UGT1A3: variants seen among roughly 807,000 people sequenced by gnomAD.
The protein encoded by UGT1A3 is UDP glucuronosyltransferase family 1 member A3.
A neutral mutation model predicts 41.0 loss-of-function variants in UGT1A3; 31 were observed. The ratio of observed to expected loss-of-function variants is 0.76; its 90% CI spans 0.57 to 1.02. The LOEUF (loss-of-function observed/expected upper bound fraction) is 1.02, where lower values mean the gene tolerates loss of function less well. UGT1A3 is among the 50% of genes least tolerant of loss of function. The probability of loss-of-function intolerance (pLI) is 0.00; values close to 1 mark genes in which losing one functional copy is unlikely to be tolerated. For missense variants in UGT1A3, 737 were observed against 671.0 expected, an observed-to-expected ratio of 1.10 and a Z score of -1.09; for synonymous variants, 262 against 257.6, an observed-to-expected ratio of 1.02 and a Z score of -0.17.
Position 233,748,513 on chromosome 2 carries a change from T to C in UGT1A3, c.867+18520T>C, listed in dbSNP as rs527780891. Among the ~76,000 whole-genome samples the C allele has an allele frequency of 5.3e-5, 8 of 151,912 alleles. No homozygotes were observed. The South Asian group carries it at 1.7e-3, about 31-fold the overall frequency. The stretch of plus-strand genomic sequence containing the variant: ...TGTGATAATTTTTAGTGGTCCTGTC[T>C]TGCGAATGATAGAGAGGTGACCACA... On this transcript the variant is annotated intron_variant, in intron 1 of 4. Transcript: ENST00000482026.
intron 1 of UGT1A3, among the ~76,000 whole-genome samples, chr2:233,740,328 TGAGA>T (rs1691367095): frequency 6.6e-6 from 1 of 151,900 alleles, no homozygotes; most frequent in Non-Finnish European, 1.5e-5. Flanking sequence ...CTGCATTTAT[TGAGA>T]AAGTTGATGA....
At chr2:233,764,672 GA>G (rs1265405107) in intron 1 of UGT1A3, among the ~76,000 whole-genome samples, 2 of 152,116 alleles carry the variant, frequency 1.3e-5, no homozygotes, top group Non-Finnish European at 2.9e-5. Context: ...ACGCTCAGAA[GA>G]AAGAACTTGA....
At chr2:233,757,935 C>T (rs12052787) in intron 1 of UGT1A3, among the ~76,000 whole-genome samples, 10,310 of 152,142 alleles carry the variant, frequency 0.068, 485 homozygotes, top group East Asian at 0.2. Flanking sequence ...CAAAGCAAGA[C>T]CATCATATTG....
At chr2:233,742,365 T>C (rs879560468) in intron 1 of UGT1A3, among the ~76,000 whole-genome samples, 1 of 151,994 alleles carries the variant, frequency 6.6e-6, no homozygotes, top group African/African-American at 2.4e-5. Flanking sequence ...AGCAGAAACA[T>C]GTCCTTAAGG....
intron 1 of UGT1A3, among the ~76,000 whole-genome samples, chr2:233,764,833 G>C (rs1171416505): frequency 3.9e-5 from 6 of 151,966 alleles, no homozygotes; most frequent in African/African-American, 1.2e-4. Flanking sequence ...TGGTGGTGGG[G>C]AGGATGACTC....
At chr2:233,748,049 C>CAA (rs1416676194) in intron 1 of UGT1A3, 1 of 1,613,268 alleles carries the variant, frequency 6.2e-7, no homozygotes, top group African/African-American at 1.3e-5. Flanking sequence ...TTGGGGGCAT[C>CAA]AACTGTGCCA....
At chr2:233,754,740 A>G (rs1278383852) in intron 1 of UGT1A3, 2 of 687,602 alleles carry the variant, frequency 2.9e-6, no homozygotes, top group Admixed American at 2.3e-5. Flanking sequence ...ACCGTAGGAC[A>G]TGCAGAAGGA....
chr2:233,750,218 A>C (rs1694391813), intron 1 of UGT1A3, among the ~76,000 whole-genome samples: 1 of 151,876 alleles, frequency 6.6e-6, no homozygotes, highest in South Asian at 2.1e-4. Context: ...TCTCAGATGG[A>C]GATGAGGAAC....
At chr2:233,737,335 G>C (rs558771820) in intron 1 of UGT1A3, among the ~76,000 whole-genome samples, 1 of 152,354 alleles carries the variant, frequency 6.6e-6, no homozygotes, top group African/African-American at 2.4e-5. Context: ...CAGTGAGCAA[G>C]GCTCCGTGGG....
intron 1 of UGT1A3, among the ~76,000 whole-genome samples, chr2:233,738,716 A>T (rs1342041986): frequency 6.6e-6 from 1 of 152,244 alleles, no homozygotes; most frequent in Non-Finnish European, 1.5e-5. Flanking sequence ...AGAGCATAAA[A>T]GTTTGGAAAA....
intron 1 of UGT1A3, among the ~76,000 whole-genome samples, chr2:233,749,052 C>A (rs1694096242): frequency 6.6e-6 from 1 of 151,690 alleles, no homozygotes; most frequent in Admixed American, 6.6e-5. Flanking sequence ...TACTCTGGGA[C>A]CTGAATATTG....
At chr2:233,768,072 G>T in intron 3 of UGT1A3, 136 bp downstream of exon 3, 2 of 1,594,474 alleles carry the variant, frequency 1.3e-6, no homozygotes, top group South Asian at 2.2e-5. Context: ...TTATCTAGTG[G>T]GGTATCTCAA....
chr2:233,731,059 T>C (rs1284464869), intron 1 of UGT1A3, among the ~76,000 whole-genome samples: 2 of 152,240 alleles, frequency 1.3e-5, no homozygotes, highest in African/African-American at 2.4e-5. Flanking sequence ...TGTATGAACT[T>C]CCATGATTTA....
chr2:233,744,129 A>C (rs1002862654), intron 1 of UGT1A3: 5 of 357,290 alleles, frequency 1.4e-5, no homozygotes, highest in African/African-American at 1.1e-4. Flanking sequence ...AGGCTCTGTG[A>C]GGCCCTGTGA....
At chr2:233,730,021 A>G (rs1183209625) in intron 1 of UGT1A3, 28 bp downstream of exon 1, 7 of 1,613,586 alleles carry the variant, frequency 4.3e-6, no homozygotes, top group Non-Finnish European at 5.9e-6. Flanking sequence ...CATCCAATCA[A>G]TGTTCCAGGC....
intron 1 of UGT1A3, among the ~76,000 whole-genome samples, chr2:233,734,004 T>A (rs2078466874): frequency 6.6e-6 from 1 of 151,924 alleles, no homozygotes; most frequent in South Asian, 2.1e-4. Context: ...ATACCTAATG[T>A]TAAATGACGA....
At position 233,767,154 on chromosome 2, in the gene UGT1A3, A is replaced by C. The variant is rs1339405023; in HGVS notation, c.988A>C (p.Ile330Leu). ...AMAIADALGK[I>L]PQTVLWRYTG... Reference sequence around the variant, plus strand: ...GGCAATTGCTGATGCTTTGGGCAAAATCCCTCAGACAGTAAGAAGATTCTA... The same window carrying C: ...GGCAATTGCTGATGCTTTGGGCAAACTCCCTCAGACAGTAAGAAGATTCTA... Residue 330 changes from isoleucine (I) to leucine (L), a missense_variant, in exon 2 of 5, where the codon ATC (isoleucine) becomes CTC (leucine). Physicochemically the swap from Ile to Leu is conservative, Grantham distance 5 (BLOSUM62 2). Transcript: ENST00000482026. 1.9e-5 allele frequency: 31 copies of C among 1,614,082 alleles called. No homozygotes were observed. The highest frequency in any genetic ancestry group is 2.6e-5 in the Non-Finnish European group (31 of 1,180,002).
chr2:233,755,316 A>C, intron 1 of UGT1A3: 1 of 530,882 alleles, frequency 1.9e-6, no homozygotes, highest in Admixed American at 3.3e-5. Context: ...GCGAGCGGCA[A>C]GGCTGCCAGC....
In UGT1A3 at chr2:233,769,397, A is replaced by C; in HGVS notation, c.1307+958A>C. 1 of 1,148,656 alleles carries C rather than the reference A, an allele frequency of 8.7e-7. No individual in the cohort carries two copies. The allele number at this position is 1,148,656 out of a possible 1,614,324, so 71.2% of individuals were successfully genotyped here. ...TCATCCGACAATAGATACTGTGTGC[A>C]TATGTGCGTGTGCGTTTGTGCATGT... On this transcript the variant is annotated intron_variant, in intron 4 of 4. Transcript: ENST00000482026. This position sits in a 1 kb window ranked among gnomAD's most constrained non-coding sequence, Gnocchi z 4.4.
Sources: gnomAD v4.1 joint callset for allele counts (sites outside exome capture counted in the v4.1 genomes callset) on GRCh38, gnomAD v4.1.1 for gene constraint, Gnocchi (gnomAD v3.1) non-coding constraint, MANE v1.5 for transcripts, NCBI Gene and HGNC (gene_info 2026-07-23, HGNC 2026-07-21) for gene names.